DLAT: variants seen among roughly 807,000 people sequenced by gnomAD.
DLAT encodes dihydrolipoamide S-acetyltransferase.
DLAT carries 43 observed loss-of-function variants against 68.0 expected under a neutral mutation model. That is an observed-to-expected ratio of 0.63 (90% confidence interval 0.50 to 0.81). DLAT has a LOEUF of 0.81. Among genes scored for constraint, DLAT ranks in the 40% least tolerant of loss-of-function variants. The probability of loss-of-function intolerance (pLI) is 0.00; values close to 1 mark genes in which losing one functional copy is unlikely to be tolerated. For synonymous variants in DLAT, 265 were observed against 288.6 expected (o/e 0.92, Z 0.83); for missense variants, 745 against 815.4 (o/e 0.91, Z 1.05).
At chr11:112,046,676 C>G (rs1485190435) in intron 10 of DLAT, among the ~76,000 whole-genome samples, 1 of 150,920 alleles carries the variant, frequency 6.6e-6, no homozygotes, top group East Asian at 2.0e-4. Flanking sequence ...TCCATGTGTT[C>G]TCATTGTTCA....
chr11:112,037,551 C>T, intron 6 of DLAT, 91 bp downstream of exon 6: 3 of 1,257,158 alleles, frequency 2.4e-6, no homozygotes, highest in Non-Finnish European at 3.4e-6. Flanking sequence ...GTTCCTTCCA[C>T]CTCCAAGATT....
Position 112,063,759 on chromosome 11 carries a change from T to TGGAA in DLAT, c.*1232_*1235dup, listed in dbSNP as rs368743837. On this transcript the variant is annotated 3_prime_UTR_variant, in exon 14 of 14. Coordinates refer to ENST00000280346, the MANE Select transcript of DLAT (RefSeq NM_001931.5). ...ATTTTGTTAGATTTTGCCTTTCTTT[T>TGGAA]GGAAGGAAGGAGGCGATATTCTGGA... 0.081 allele frequency: 12,577 copies of TGGAA among 155,080 alleles called. 1,534 individuals are homozygous for TGGAA. The highest frequency in any genetic ancestry group is 0.26 in the African/African-American group (10,937 of 41,506). The allele number at this position is 155,080 out of a possible 1,614,324, so 9.6% of individuals were successfully genotyped here. A position where few individuals can be genotyped will look rare whatever the true frequency, so the allele number is the denominator to read the frequency against.
In DLAT at chr11:112,053,643, T is replaced by C. The variant is rs954471678; in HGVS notation, c.1514+2294T>C. ...AATTTTTTTGTAGTTTTAGTAGATA[T>C]GGGGTTTCACCATATTGGCCAGACT... On this transcript the variant is annotated intron_variant, in intron 11 of 13. Coordinates refer to ENST00000280346, the MANE Select transcript of DLAT (RefSeq NM_001931.5). 2.6e-5 allele frequency among the ~76,000 whole-genome samples: 4 copies of C among 152,182 alleles called. No homozygotes were observed. The East Asian group carries it at 5.9e-4, about 22-fold the overall frequency.
chr11:112,027,137 C>T (rs1290184308), intron 2 of DLAT, among the ~76,000 whole-genome samples: 2 of 151,498 alleles, frequency 1.3e-5, no homozygotes, highest in Admixed American at 6.6e-5. Context: ...CTCCTCACTT[C>T]TCAGACGGGG....
At chr11:112,047,918 T>A (rs1863409670) in intron 10 of DLAT, among the ~76,000 whole-genome samples, 1 of 152,236 alleles carries the variant, frequency 6.6e-6, no homozygotes, top group Admixed American at 6.5e-5. Context: ...AGCTTTGTTC[T>A]TTTTGCTTAG....
intron 8 of DLAT, 115 bp downstream of exon 8, chr11:112,043,648 C>A: frequency 9.7e-7 from 1 of 1,034,628 alleles, no homozygotes; most frequent in South Asian, 1.3e-5. Flanking sequence ...CTTCTAATTT[C>A]AGTGGTTTAA....
At position 112,054,248 on chromosome 11, in the gene DLAT, G is replaced by A. The variant is rs138724094; in HGVS notation, c.1514+2899G>A. The stretch of plus-strand genomic sequence containing the variant: ...GGAGAATTGCTTGAACCTGGGAGGC[G>A]GAGGTTGCAGTGAGCTGGGATTGCA... On this transcript the variant is annotated intron_variant, in intron 11 of 13. Coordinates refer to ENST00000280346, the MANE Select transcript of DLAT (RefSeq NM_001931.5). Among the ~76,000 whole-genome samples the A allele has an allele frequency of 1.7e-3, 255 of 152,120 alleles. 2 individuals carry two copies. Among genetic ancestry groups the A allele is most frequent in the African/African-American group, 5.7e-3 (237 of 41,514 alleles).
At chr11:112,030,410 A>G in intron 4 of DLAT, 1 of 406,008 alleles carries the variant, frequency 2.5e-6, no homozygotes, top group Non-Finnish European at 4.8e-6. Context: ...ATATTTCAGC[A>G]TGAGATTTGG....
At position 112,060,057 on chromosome 11, in the gene DLAT, G is replaced by A. The variant is rs1864460815; in HGVS notation, c.1669G>A (p.Glu557Lys). 6.2e-7 allele frequency: 1 copy of A among 1,610,544 alleles called. No homozygotes were observed. Among genetic ancestry groups the A allele is most frequent in the Admixed American group, 1.7e-5 (1 of 59,858 alleles). The change falls in exon 12 of 14, where the codon GAA becomes AAA. Residue 557 changes from glutamate to lysine, a missense_variant. Physicochemically the swap from Glu to Lys is moderately conservative, Grantham distance 56. Transcript: ENST00000280346. ...AAGAGAGGGTAAACTACAGCCACATGAATTCCAGGTAGGGTATTAATTATT... is the reference window on the plus strand; with the variant it reads ...AAGAGAGGGTAAACTACAGCCACATAAATTCCAGGTAGGGTATTAATTATT... ...KAREGKLQPH[E>K]FQGGTFTISN...
At chr11:112,028,996 C>T (rs376677023) in intron 4 of DLAT, 51 bp downstream of exon 4, 14 of 1,606,080 alleles carry the variant, frequency 8.7e-6, no homozygotes, top group East Asian at 6.7e-5. Context: ...TACTTACTCA[C>T]TTTTTTTCAT....
chr11:112,037,205 CTG>C (rs1862820603), intron 5 of DLAT, 66 bp from the exon 6 acceptor site: 1 of 1,456,170 alleles, frequency 6.9e-7, no homozygotes, highest in African/African-American at 1.4e-5. Context: ...TTACTTAAAA[CTG>C]TGCTGTGAGT....
intron 11 of DLAT, among the ~76,000 whole-genome samples, chr11:112,053,520 T>C (rs781881800): frequency 2.4e-4 from 37 of 152,104 alleles, no homozygotes; most frequent in Non-Finnish European, 7.4e-5. Flanking sequence ...TGGCGTGATC[T>C]TGGCTCACTG....
Position 112,025,461 on chromosome 11 carries a change from G to T in DLAT, c.-12G>T, listed in dbSNP as rs782344193. The T allele has an allele frequency of 1.2e-6, 2 of 1,610,034 alleles. No homozygotes were observed. Among genetic ancestry groups the T allele is most frequent in the Non-Finnish European group, 1.7e-6 (2 of 1,179,154 alleles). ...CGGCGTTGGTTTTGGGGTGTGGGGG[G>T]TTGGTGGCACTATGTGGCGCGTCTG... On this transcript the variant is annotated 5_prime_UTR_variant, in exon 1 of 14. Transcript: ENST00000280346.
At chr11:112,049,247 C>G (rs144550843) in intron 10 of DLAT, among the ~76,000 whole-genome samples, 90 of 152,172 alleles carry the variant, frequency 5.9e-4, no homozygotes, top group Middle Eastern at 3.4e-3. Flanking sequence ...TTAGGATTAG[C>G]TTGTAAATTT....
chr11:112,032,372 T>C (rs1219350349), intron 4 of DLAT: 1 of 152,208 alleles, frequency 6.6e-6, no homozygotes, highest in Non-Finnish European at 1.5e-5. Context: ...AATGGCTAGA[T>C]TGAGCTAATT....
At chr11:112,026,772 C>G (rs1313942534) in intron 2 of DLAT, among the ~76,000 whole-genome samples, 8 of 152,182 alleles carry the variant, frequency 5.3e-5, no homozygotes, top group African/African-American at 1.7e-4. Context: ...CCTTTCCCCC[C>G]TTTCTATTCC....
intron 2 of DLAT, among the ~76,000 whole-genome samples, chr11:112,026,724 A>G (rs1317420973): frequency 1.3e-5 from 2 of 152,224 alleles, no homozygotes; most frequent in Non-Finnish European, 2.9e-5. Flanking sequence ...CTTTCTACAC[A>G]GACACGGCAA....
intron 5 of DLAT, among the ~76,000 whole-genome samples, chr11:112,036,199 GTGTTTTTTTTTTTT>G (rs1592676934): frequency 2.9e-4 from 15 of 51,918 alleles, no homozygotes; most frequent in South Asian, 2.1e-3. Context: ...GTGTGTGTGT[GTGTTTTTTTTTTTT>G]TTTTTTTTTT....
At chr11:112,030,378 C>T (rs1410237708) in intron 4 of DLAT, 24 of 389,932 alleles carry the variant, frequency 6.2e-5, no homozygotes, top group Non-Finnish European at 1.1e-4. Flanking sequence ...GGCTCTGACC[C>T]GGAAACGGAA....
Sources: gnomAD v4.1 joint callset for allele counts (sites outside exome capture counted in the v4.1 genomes callset) on GRCh38, gnomAD v4.1.1 for gene constraint, MANE v1.5 for transcripts, NCBI Gene and HGNC (gene_info 2026-07-23, HGNC 2026-07-21) for gene names.